The following UNC13C variants were observed in gnomAD, a reference collection of about 807,000 sequenced individuals.
UNC13C encodes unc-13 homolog C, also known as protein unc-13 homolog C.
A neutral mutation model predicts 245.4 loss-of-function variants in UNC13C; 174 were observed. The observed-to-expected ratio is 0.71, with a 90% CI of 0.63 to 0.80. UNC13C has a LOEUF of 0.80. Among genes scored for constraint, UNC13C ranks in the 30% least tolerant of loss-of-function variants. The probability of loss-of-function intolerance (pLI) is 0.00; values close to 1 mark genes in which losing one functional copy is unlikely to be tolerated. For synonymous variants in UNC13C, 992 were observed against 895.1 expected, an observed-to-expected ratio of 1.11 and a Z score of -1.93; for missense variants, 2,829 against 2,602.9, an observed-to-expected ratio of 1.09 and a Z score of -1.89.
chr15:54,202,637 C>T (rs968035154), intron 4 of UNC13C, among the ~76,000 whole-genome samples: 1 of 152,010 alleles, frequency 6.6e-6, no homozygotes, highest in Non-Finnish European at 1.5e-5. Flanking sequence ...AAACTGGGTC[C>T]TTATCTCTCA....
intron 17 of UNC13C, among the ~76,000 whole-genome samples, chr15:54,391,394 T>A (rs1310970321): frequency 3.3e-5 from 5 of 152,062 alleles, no homozygotes; most frequent in Admixed American, 1.3e-4. Context: ...ATTATAGTAG[T>A]GATAACAAAA....
intron 10 of UNC13C, among the ~76,000 whole-genome samples, chr15:54,268,540 C>T (rs960060939): frequency 1.3e-5 from 2 of 151,982 alleles, no homozygotes; most frequent in Admixed American, 6.6e-5. Flanking sequence ...TGCTGGATAT[C>T]GTAGCATCCT....
At chr15:53,984,588 G>A (rs1325660134) in intron 1 of UNC13C, among the ~76,000 whole-genome samples, 1 of 152,082 alleles carries the variant, frequency 6.6e-6, no homozygotes, top group African/African-American at 2.4e-5. Context: ...TTTACGGGAG[G>A]ATTAAGTTAA....
At chr15:53,908,728 G>GA in the UNC13C span, among the ~76,000 whole-genome samples, 6,182 of 112,634 alleles carry the variant, frequency 0.055, 711 homozygotes, top group African/African-American at 0.19. Context: ...CTCCAGTCTG[G>GA]GTGACAGAAT....
chr15:53,853,838 G>T, the UNC13C span, among the ~76,000 whole-genome samples: 3 of 152,016 alleles, frequency 2.0e-5, no homozygotes, highest in Non-Finnish European at 2.9e-5. Context: ...TTTTAATGGG[G>T]TTGTTTGTTT....
At chr15:54,338,957 C>T (rs2038660617) in intron 17 of UNC13C, among the ~76,000 whole-genome samples, 1 of 152,194 alleles carries the variant, frequency 6.6e-6, no homozygotes. Context: ...ACCTCTGCCT[C>T]CGGGGTTCAA....
At chr15:54,204,305 T>TG (rs1555431014) in intron 4 of UNC13C, among the ~76,000 whole-genome samples, 8 of 24,194 alleles carry the variant, frequency 3.3e-4, no homozygotes, top group Non-Finnish European at 1.2e-3. Flanking sequence ...GATTAAAAAT[T>TG]GAAAAAAAAA....
intron 19 of UNC13C, among the ~76,000 whole-genome samples, chr15:54,482,467 G>C (rs978501860): frequency 6.6e-6 from 1 of 152,126 alleles, no homozygotes; most frequent in African/African-American, 2.4e-5. Flanking sequence ...AGGAGCGGGC[G>C]GTGGGAATTT....
the UNC13C span, among the ~76,000 whole-genome samples, chr15:53,902,593 A>G: frequency 1.3e-5 from 2 of 152,230 alleles, no homozygotes; most frequent in African/African-American, 4.8e-5. Context: ...AGTCTGCTTT[A>G]TTCAATAACT....
intron 25 of UNC13C, among the ~76,000 whole-genome samples, chr15:54,529,204 A>T (rs547760422): frequency 6.6e-6 from 1 of 152,200 alleles, no homozygotes; most frequent in South Asian, 2.1e-4. Context: ...AAAAATGGAG[A>T]CAGATCAAAC....
intron 4 of UNC13C, among the ~76,000 whole-genome samples, chr15:54,154,755 G>A (rs181387385): frequency 3.9e-5 from 6 of 152,280 alleles, no homozygotes; most frequent in African/African-American, 1.4e-4. Flanking sequence ...GAAGGTTCAA[G>A]TGAGAATTCA....
chr15:53,964,167 C>T, the UNC13C span, among the ~76,000 whole-genome samples: 2 of 152,090 alleles, frequency 1.3e-5, no homozygotes, highest in Non-Finnish European at 2.9e-5. Flanking sequence ...AGTAGGAGTA[C>T]TGACAAATCT....
chr15:54,333,945 A>G (rs2038507427), intron 16 of UNC13C, 89 bp downstream of exon 16: 2 of 911,178 alleles, frequency 2.2e-6, no homozygotes, highest in Non-Finnish European at 1.7e-6. Context: ...CCTCTTGATC[A>G]AGTACTGTGT....
chr15:54,598,035 T>C (rs1899196716), intron 30 of UNC13C, among the ~76,000 whole-genome samples: 1 of 152,222 alleles, frequency 6.6e-6, no homozygotes, highest in African/African-American at 2.4e-5. Context: ...GCTTTAAGAC[T>C]GGTAAAAACT....
At chr15:54,241,725 T>C (rs1269071473) in intron 7 of UNC13C, among the ~76,000 whole-genome samples, 1 of 152,206 alleles carries the variant, frequency 6.6e-6, no homozygotes, top group African/African-American at 2.4e-5. Flanking sequence ...CTTTTCTCTT[T>C]ATACAGTGGC....
intron 2 of UNC13C, among the ~76,000 whole-genome samples, chr15:54,091,813 C>T (rs993050327): frequency 3.3e-5 from 5 of 151,942 alleles, no homozygotes; most frequent in African/African-American, 1.2e-4. Context: ...CACAGGACTT[C>T]ATGTTTTCCA....
At chr15:54,482,935 TATTA>T (rs1320380498) in intron 19 of UNC13C, among the ~76,000 whole-genome samples, 24 of 152,344 alleles carry the variant, frequency 1.6e-4, no homozygotes, top group African/African-American at 5.5e-4. Context: ...TGAACTAGTT[TATTA>T]ATTGTTATTA....
intron 1 of UNC13C, among the ~76,000 whole-genome samples, chr15:54,011,810 A>T (rs572969095): frequency 6.6e-6 from 1 of 152,236 alleles, no homozygotes; most frequent in Non-Finnish European, 1.5e-5. Flanking sequence ...TGTATCCCCA[A>T]ATCCCCTGCA....
chr15:54,141,517 A>G (rs2032018214), intron 2 of UNC13C, among the ~76,000 whole-genome samples: 2 of 152,210 alleles, frequency 1.3e-5, no homozygotes, highest in African/African-American at 4.8e-5. Context: ...ACCCATTACA[A>G]TCCCATTTTA....
Sources: gnomAD v4.1 joint callset for allele counts (sites outside exome capture counted in the v4.1 genomes callset) on GRCh38, gnomAD v4.1.1 for gene constraint, MANE v1.5 for transcripts, NCBI Gene and HGNC (gene_info 2026-07-23, HGNC 2026-07-21) for gene names.